Variants in SFI1 observed in about 807,000 individuals in gnomAD.
The protein encoded by SFI1 is SFI1 centrin binding protein.
Under a neutral mutation model 207.5 loss-of-function variants are expected in SFI1, and 195 were observed. The ratio of observed to expected loss-of-function variants is 0.94; its 90% CI spans 0.84 to 1.06. The LOEUF is 1.06. SFI1 is among the 50% of genes least tolerant of loss of function. The pLI is 0.00. For missense variants in SFI1, 1,634 were observed against 1,588.0 expected (o/e 1.03, Z -0.49); for synonymous variants, 630 against 598.9 (o/e 1.05, Z -0.76).
In SFI1 at chr22:31,540,730, G is replaced by A. The variant is rs528813901; in HGVS notation, c.339-6131G>A. On this transcript the variant is annotated intron_variant, in intron 4 of 32. Coordinates refer to ENST00000400288, the MANE Select transcript of SFI1 (RefSeq NM_001007467.3). Reference sequence around the variant, plus strand: ...CAAGTAGCTGAGACCATAGGCATGCGCCACCACGCCTGGCTAATTTTTGTA... The same window carrying A: ...CAAGTAGCTGAGACCATAGGCATGCACCACCACGCCTGGCTAATTTTTGTA... Among the ~76,000 whole-genome samples, 9 of 151,604 alleles carry A rather than the reference G, an allele frequency of 5.9e-5. No homozygotes were observed. In the East Asian group the frequency reaches 1.6e-3, roughly 26 times the overall value.
chr22:31,618,136 C>G lies in SFI1; in HGVS notation c.3534C>G (p.Ser1178Arg). 1.3e-6 allele frequency: 2 copies of G among 1,581,802 alleles called. No homozygotes were observed. Among genetic ancestry groups the G allele is most frequent in the Non-Finnish European group, 8.6e-7 (1 of 1,165,950 alleles). The change falls in exon 32 of 33, where the codon AGC (serine) becomes AGG (arginine). Residue 1178 changes from serine to arginine, a missense_variant. Transcript: ENST00000400288. ...TCAGGTCCTGTCGGCGGCAAGCGAG[C>G]AGCCTGCGCAGGTGGCTGGAGCTGA... ...QNLWSCRRQA[S>R]SLRRWLELNR...
intron 8 of SFI1, among the ~76,000 whole-genome samples, chr22:31,570,067 T>C (rs1445567311): frequency 6.6e-6 from 1 of 151,944 alleles, no homozygotes; most frequent in African/African-American, 2.4e-5. Context: ...CAGTGAGCCG[T>C]ATTCTTGCCA....
chr22:31,561,496 G>C (rs762149747), intron 8 of SFI1, 104 bp downstream of exon 8: 16 of 950,440 alleles, frequency 1.7e-5, no homozygotes, highest in Admixed American at 2.5e-5. Flanking sequence ...GGGCCTGAGA[G>C]GGGGTGGGGA....
intron 24 of SFI1, 132 bp from the exon 25 acceptor site, chr22:31,613,010 C>T: frequency 1.1e-6 from 1 of 876,876 alleles, no homozygotes; most frequent in Non-Finnish European, 1.7e-6. Flanking sequence ...ACAAGGCTGG[C>T]CCTTCCTAGT....
At chr22:31,589,115 C>A (rs2065440749) in intron 14 of SFI1, among the ~76,000 whole-genome samples, 1 of 152,070 alleles carries the variant, frequency 6.6e-6, no homozygotes, top group Admixed American at 6.5e-5. Context: ...ATACATATCA[C>A]TGAGTCAAAT....
At chr22:31,601,991 CTA>C (rs1341060501) in intron 15 of SFI1, among the ~76,000 whole-genome samples, 4 of 144,134 alleles carry the variant, frequency 2.8e-5, no homozygotes, top group African/African-American at 1.0e-4. Context: ...TGGAGTTTTG[CTA>C]TGTTGCCCAG....
At chr22:31,568,432 T>C (rs182610857) in intron 8 of SFI1, among the ~76,000 whole-genome samples, 1 of 143,844 alleles carries the variant, frequency 7.0e-6, no homozygotes, top group Non-Finnish European at 1.5e-5. Context: ...CCTGGGAGGC[T>C]GAGCACGAGA....
chr22:31,541,841 G>A (rs374420483), intron 4 of SFI1, among the ~76,000 whole-genome samples: 36 of 151,060 alleles, frequency 2.4e-4, no homozygotes, highest in African/African-American at 8.5e-4. Flanking sequence ...AGTGGCTCAC[G>A]CCTGTAATCC....
intron 24 of SFI1, 130 bp from the exon 25 acceptor site, chr22:31,613,012 C>T: frequency 2.2e-6 from 2 of 919,506 alleles, no homozygotes; most frequent in East Asian, 2.6e-5. Flanking sequence ...AAGGCTGGCC[C>T]TTCCTAGTGG....
intron 12 of SFI1, among the ~76,000 whole-genome samples, chr22:31,583,439 CTGAT>C (rs1383569519): frequency 6.6e-6 from 1 of 152,134 alleles, no homozygotes; most frequent in Non-Finnish European, 1.5e-5. Context: ...ATTGATTTAT[CTGAT>C]TGTTTCCTTT....
rs145322644 is a variant in SFI1 at position 31,618,425 on chromosome 22, C to T, written c.*7C>T. On this transcript the variant is annotated 3_prime_UTR_variant, in exon 33 of 33. Coordinates refer to ENST00000400288, the MANE Select transcript of SFI1 (RefSeq NM_001007467.3). ...GCGGCAGGCCCTGTGCTAGCGTGTTCGCACCAGGAACGCAGGTGCTGGGCT... is the reference window on the plus strand; with the variant it reads ...GCGGCAGGCCCTGTGCTAGCGTGTTTGCACCAGGAACGCAGGTGCTGGGCT... 50 of 1,561,290 alleles carry T rather than the reference C, an allele frequency of 3.2e-5. 1 individual carries two copies. In the African/African-American group the frequency reaches 4.3e-4, roughly 14 times the overall value.
chr22:31,524,710 T>G (rs1390844078), intron 2 of SFI1, among the ~76,000 whole-genome samples: 1 of 151,666 alleles, frequency 6.6e-6, no homozygotes, highest in Non-Finnish European at 1.5e-5. Flanking sequence ...TTTTTTTTTT[T>G]TTTTTGCTGT....
At chr22:31,519,114 T>C (rs554929514) in intron 2 of SFI1, among the ~76,000 whole-genome samples, 1 of 152,200 alleles carries the variant, frequency 6.6e-6, no homozygotes, top group South Asian at 2.1e-4. Flanking sequence ...CTCATAAAAA[T>C]ACTACATATC....
At chr22:31,501,651 G>A (rs1314605936) in intron 1 of SFI1, among the ~76,000 whole-genome samples, 1 of 152,132 alleles carries the variant, frequency 6.6e-6, no homozygotes, top group African/African-American at 2.4e-5. Context: ...CACTTGCTGA[G>A]GTAGTTATAT....
intron 11 of SFI1, 55 bp downstream of exon 11, chr22:31,578,507 A>C: frequency 1.9e-6 from 3 of 1,544,162 alleles, no homozygotes; most frequent in South Asian, 1.2e-5. Context: ...TTGGGTATCC[A>C]CTCTTGGGGG....
chr22:31,510,190 T>C (rs1235292138), intron 2 of SFI1, among the ~76,000 whole-genome samples: 2 of 152,042 alleles, frequency 1.3e-5, no homozygotes, highest in African/African-American at 2.4e-5. Flanking sequence ...TGCTTTTTTT[T>C]GTAGGAAAAA....
chr22:31,548,779 A>T (rs943080256), intron 5 of SFI1, among the ~76,000 whole-genome samples: 6 of 152,022 alleles, frequency 3.9e-5, no homozygotes, highest in Non-Finnish European at 7.4e-5. Context: ...ACTGCACTCC[A>T]GTCTGGACGA....
intron 8 of SFI1, among the ~76,000 whole-genome samples, chr22:31,568,210 G>GTATA (rs1158605358): frequency 8.7e-6 from 1 of 114,586 alleles, no homozygotes; most frequent in Non-Finnish European, 1.9e-5. Flanking sequence ...GTGTGTGTGT[G>GTATA]TATATATATA....
intron 4 of SFI1, among the ~76,000 whole-genome samples, chr22:31,532,703 A>C (rs1209938409): frequency 6.6e-6 from 1 of 152,058 alleles, no homozygotes; most frequent in Non-Finnish European, 1.5e-5. Context: ...TTGTATGTTT[A>C]CAGTGAAGCT....
Sources: allele counts gnomAD v4.1 joint callset (sites outside exome capture counted in the v4.1 genomes callset), GRCh38; gene constraint gnomAD v4.1.1; transcripts MANE v1.5; gene names NCBI Gene and HGNC (gene_info 2026-07-23, HGNC 2026-07-21).